The following CTNNA2 variants were observed in gnomAD, a reference collection of about 807,000 sequenced individuals.
CTNNA2 encodes the protein catenin alpha 2.
In CTNNA2, 42 loss-of-function variants were observed where a neutral mutation model predicts 101.0. The ratio of observed to expected loss-of-function variants is 0.42; its 90% CI spans 0.32 to 0.54. CTNNA2 has a LOEUF of 0.54. Among genes scored for constraint, CTNNA2 ranks in the 20% least tolerant of loss-of-function variants. The pLI is 0.14. For synonymous variants in CTNNA2, 450 were observed against 456.4 expected (o/e 0.99, Z 0.18); for missense variants, 871 against 1,223.1 (o/e 0.71, Z 4.29).
intron 2 of CTNNA2, among the ~76,000 whole-genome samples, chr2:79,206,099 G>C (rs1298243620): frequency 2.6e-5 from 4 of 151,984 alleles, no homozygotes; most frequent in Non-Finnish European, 5.9e-5. Flanking sequence ...GTGATTTTTA[G>C]CATTTTTGTT....
intron 1 of CTNNA2, among the ~76,000 whole-genome samples, chr2:79,645,137 C>T (rs6730429): frequency 0.53 from 80,086 of 151,774 alleles, 21,357 homozygotes; most frequent in East Asian, 0.71. Context: ...TGCGTGCCAC[C>T]ATGCCTGGCT....
intron 4 of CTNNA2, among the ~76,000 whole-genome samples, chr2:79,439,725 T>C (rs1346423805): frequency 1.3e-5 from 2 of 152,164 alleles, no homozygotes; most frequent in Non-Finnish European, 2.9e-5. Flanking sequence ...TCTTCCAGTG[T>C]GTTTCCTGAC....
rs1178463041 is a variant in CTNNA2, at chr2:79,400,051, A to G, written c.-135+26038A>G. On this transcript the variant is annotated intron_variant, in intron 4 of 21. Transcript: ENST00000466387. ...CATTTTAGGGAGATATGAGACATCAATCAATATATGTAAGATGTACATTGG... is the reference window on the plus strand; with the variant it reads ...CATTTTAGGGAGATATGAGACATCAGTCAATATATGTAAGATGTACATTGG... 3.3e-5 allele frequency among the ~76,000 whole-genome samples: 5 copies of G among 152,186 alleles called. No homozygotes were observed. The East Asian group carries it at 7.7e-4, about 24-fold the overall frequency.
At chr2:79,913,935 AGGCG>A (rs1685992992) in intron 7 of CTNNA2, among the ~76,000 whole-genome samples, 1 of 150,262 alleles carries the variant, frequency 6.7e-6, no homozygotes, top group Non-Finnish European at 1.5e-5. Flanking sequence ...TGGGAGGCCG[AGGCG>A]GGCGGATCAC....
chr2:80,058,445 T>A (rs1352349267), intron 7 of CTNNA2, among the ~76,000 whole-genome samples: 1 of 152,188 alleles, frequency 6.6e-6, no homozygotes, highest in East Asian at 1.9e-4. Context: ...TCTGCTATAT[T>A]GTTTTGATAT....
chr2:79,880,032 A>T (rs1245020727), intron 6 of CTNNA2, among the ~76,000 whole-genome samples: 2 of 152,010 alleles, frequency 1.3e-5, no homozygotes, highest in African/African-American at 4.8e-5. Flanking sequence ...ATGTGAAGCG[A>T]TGTTGAATTT....
chr2:80,134,470 G>T (rs751243192), intron 7 of CTNNA2, among the ~76,000 whole-genome samples: 9 of 152,112 alleles, frequency 5.9e-5, no homozygotes, highest in Non-Finnish European at 8.8e-5. Context: ...CCTTCCAGGG[G>T]GGTTTGCAGA....
At chr2:79,922,566 C>A (rs7583692) in intron 7 of CTNNA2, among the ~76,000 whole-genome samples, 10,593 of 151,810 alleles carry the variant, frequency 0.07, 417 homozygotes, top group Non-Finnish European at 0.082. Flanking sequence ...GGCTTCTAAT[C>A]TCTTCTGTTG....
At chr2:80,288,769 T>A (rs1434288159) in intron 7 of CTNNA2, 1 of 152,168 alleles carries the variant, frequency 6.6e-6, no homozygotes, top group Non-Finnish European at 1.5e-5. Flanking sequence ...GAGCTGGGCC[T>A]GGTAGAAAAT....
intron 7 of CTNNA2, among the ~76,000 whole-genome samples, chr2:80,257,134 G>A (rs1672229206): frequency 6.6e-6 from 1 of 152,068 alleles, no homozygotes; most frequent in African/African-American, 2.4e-5. Context: ...ATAGTCTTCA[G>A]TGCAGCACTA....
At chr2:80,630,426 C>T (rs1042610439) in intron 18 of CTNNA2, among the ~76,000 whole-genome samples, 1 of 152,034 alleles carries the variant, frequency 6.6e-6, no homozygotes, top group Non-Finnish European at 1.5e-5. Flanking sequence ...ATCACAAACT[C>T]AAGAGATCAA....
intron 7 of CTNNA2, among the ~76,000 whole-genome samples, chr2:79,971,968 G>T (rs1690516059): frequency 2.0e-5 from 3 of 152,144 alleles, no homozygotes; most frequent in Admixed American, 1.3e-4. Flanking sequence ...CCACCACCTA[G>T]TGAGTTGGGA....
intron 6 of CTNNA2, among the ~76,000 whole-genome samples, chr2:79,907,332 TACAC>T (rs775605770): frequency 2.0e-5 from 3 of 147,482 alleles, no homozygotes; most frequent in South Asian, 2.1e-4. Context: ...ATTATATATA[TACAC>T]ACACACACAC....
At chr2:79,783,964 G>T (rs1168334884) in intron 3 of CTNNA2, among the ~76,000 whole-genome samples, 1 of 152,162 alleles carries the variant, frequency 6.6e-6, no homozygotes, top group Non-Finnish European at 1.5e-5. Context: ...TATGTATTTT[G>T]AAGTTCTGGT....
At chr2:80,434,135 G>A (rs1160530637) in intron 9 of CTNNA2, among the ~76,000 whole-genome samples, 3 of 152,152 alleles carry the variant, frequency 2.0e-5, no homozygotes, top group East Asian at 1.9e-4. Flanking sequence ...CATCCACAAC[G>A]AAAAGCATCA....
intron 7 of CTNNA2, among the ~76,000 whole-genome samples, chr2:80,207,148 G>A (rs1707585474): frequency 6.6e-6 from 1 of 152,190 alleles, no homozygotes; most frequent in Admixed American, 6.5e-5. Flanking sequence ...GGAAATGAAT[G>A]GAGAATAGTT....
At chr2:80,549,787 G>A (rs1692413036) in intron 11 of CTNNA2, among the ~76,000 whole-genome samples, 1 of 152,128 alleles carries the variant, frequency 6.6e-6, no homozygotes, top group African/African-American at 2.4e-5. Flanking sequence ...TTCATTCAGT[G>A]TCTGTCTTTT....
chr2:79,930,303 A>G (rs1327514333), intron 7 of CTNNA2, among the ~76,000 whole-genome samples: 1 of 35,146 alleles, frequency 2.8e-5, no homozygotes, highest in South Asian at 7.8e-4. Flanking sequence ...AGAGAAAGAA[A>G]GAAAGAAAGA....
At chr2:79,307,325 C>T (rs1487469133) in intron 2 of CTNNA2, among the ~76,000 whole-genome samples, 2 of 146,122 alleles carry the variant, frequency 1.4e-5, no homozygotes, top group South Asian at 4.3e-4. Context: ...CTATAGAGCA[C>T]CGGAACTTAC....
Sources: allele counts gnomAD v4.1 joint callset (sites outside exome capture counted in the v4.1 genomes callset), GRCh38; gene constraint gnomAD v4.1.1; transcripts MANE v1.5; gene names NCBI Gene and HGNC (gene_info 2026-07-23, HGNC 2026-07-21).